Variants in LZTFL1 observed in about 807,000 individuals in gnomAD.
LZTFL1 encodes the protein leucine zipper transcription factor like 1, also known as leucine zipper transcription factor-like protein 1.
Under a neutral mutation model 45.9 loss-of-function variants are expected in LZTFL1, and 25 were observed. That is an observed-to-expected ratio of 0.54 (90% CI 0.40 to 0.76). LZTFL1 has a LOEUF of 0.76. Ranked by LOEUF, LZTFL1 falls within the 30% of genes least tolerant of loss-of-function variation. The probability of loss-of-function intolerance (pLI) is 0.00; values close to 1 mark genes in which losing one functional copy is unlikely to be tolerated. For synonymous variants in LZTFL1, 93 were observed against 117.4 expected (o/e 0.79, Z 1.35); for missense variants, 277 against 331.1 (o/e 0.84, Z 1.27).
rs1316071749 is a variant in LZTFL1 at position 45,823,932 on chromosome 3, T to C, written c.*2382A>G. 1.3e-5 allele frequency: 2 copies of C among 152,230 alleles called. No homozygotes were observed. The highest frequency in any genetic ancestry group is 2.9e-5 in the Non-Finnish European group (2 of 68,034). 9.4% of individuals were successfully genotyped at this position (152,230 alleles called of 1,614,324 possible). A position where few individuals can be genotyped will look rare whatever the true frequency, so the allele number is the denominator to read the frequency against. On this transcript the variant is annotated 3_prime_UTR_variant, in exon 10 of 10. Transcript: ENST00000296135. ...TAGCAAAGGCTTTATCAAATAAGAT[T>C]ACACAGTCAAGGTAGGGCAGTATTT...
At chr3:45,872,426 G>A (rs1184574307) in intron 2 of LZTFL1, among the ~76,000 whole-genome samples, 1 of 152,196 alleles carries the variant, frequency 6.6e-6, no homozygotes, top group Admixed American at 6.5e-5. Flanking sequence ...TCCACTCTTT[G>A]TGAATGTGGC....
Position 45,831,087 on chromosome 3 carries a change from T to C in LZTFL1, c.508A>G (p.Thr170Ala). ...TTCTCAGTTACCTGTATTTCAATGG[T>C]CTTCAACCTTGACTTCAATTTCTCA... The part of the protein sequence containing the change: ...ENEKLKSRLK[T>A]IEIQATNALD... The change falls in exon 6 of 10, where the codon ACC becomes GCC. Residue 170 changes from threonine to alanine, a missense_variant. Transcript: ENST00000296135. The C allele has an allele frequency of 6.2e-7, 1 of 1,606,770 alleles. No homozygotes were observed. The highest frequency in any genetic ancestry group is 1.1e-5 in the South Asian group (1 of 89,234).
chr3:45,890,304 C>T (rs1365925230), intron 2 of LZTFL1, among the ~76,000 whole-genome samples: 1 of 12,104 alleles, frequency 8.3e-5, no homozygotes, highest in African/African-American at 5.2e-4. Flanking sequence ...ATATATATAA[C>T]ATATATATAT....
chr3:45,891,542 AGG>A lies in LZTFL1; in HGVS notation c.-215+21576_-215+21577del, dbSNP rs1702179581. On this transcript the variant is annotated intron_variant, in intron 2 of 4. Coordinates refer to the LZTFL1 transcript ENST00000472635. The stretch of plus-strand genomic sequence containing the variant: ...GTTCTCTTTTGCCCCTAAATACTTC[AGG>A]GGATAATTCCTAAGAACAGGGGCAT... Among the ~76,000 whole-genome samples the A allele has an allele frequency of 2.0e-5, 3 of 152,284 alleles. No individual in the cohort carries two copies. The East Asian group carries it at 5.8e-4, about 29-fold the overall frequency.
chr3:45,904,736 G>T (rs1702645103), intron 2 of LZTFL1, among the ~76,000 whole-genome samples: 1 of 152,210 alleles, frequency 6.6e-6, no homozygotes, highest in African/African-American at 2.4e-5. Context: ...TGACACCTTT[G>T]GAGACCACCA....
At chr3:45,827,772 T>C (rs548539040) in intron 8 of LZTFL1, among the ~76,000 whole-genome samples, 2 of 152,330 alleles carry the variant, frequency 1.3e-5, no homozygotes, top group East Asian at 1.9e-4. Flanking sequence ...CACACTTTTT[T>C]CCCAAGTCCC....
rs1237727908 is a variant in LZTFL1, at chr3:45,890,337, C to CATAT, written c.-215+22779_-215+22782dup. 2.4e-4 allele frequency among the ~76,000 whole-genome samples: 15 copies of CATAT among 63,146 alleles called. 1 individual carries two copies. The highest frequency in any genetic ancestry group is 1.8e-3 in the African/African-American group (14 of 7,970). 41.4% of individuals were successfully genotyped at this position (63,146 alleles called of 152,430 possible). ...TATATTTATATAAATATATATATAA[C>CATAT]ATATATATATAACATATATATATAT... On this transcript the variant is annotated intron_variant, in intron 2 of 4. Coordinates refer to the LZTFL1 transcript ENST00000472635.
At chr3:45,902,034 T>A in intron 2 of LZTFL1, 1 of 763,278 alleles carries the variant, frequency 1.3e-6, no homozygotes, top group Non-Finnish European at 2.1e-6. Context: ...TATGATTACT[T>A]GTAGTCAGAA....
intron 1 of LZTFL1, among the ~76,000 whole-genome samples, chr3:45,839,465 TA>T (rs1227010377): frequency 6.6e-6 from 1 of 152,208 alleles, no homozygotes; most frequent in Non-Finnish European, 1.5e-5. Context: ...CAAACTCTCT[TA>T]CCCTGTTTCC....
intron 2 of LZTFL1, chr3:45,897,443 C>G: frequency 1.4e-6 from 1 of 718,910 alleles, no homozygotes; most frequent in Non-Finnish European, 2.5e-6. Flanking sequence ...GACACAATGT[C>G]CTTGTCTGGG....
chr3:45,907,253 G>C (rs2125770066), intron 2 of LZTFL1, among the ~76,000 whole-genome samples: 1 of 152,306 alleles, frequency 6.6e-6, no homozygotes, highest in Middle Eastern at 3.4e-3. Context: ...CCCCTGCCCA[G>C]GGACTGGCAT....
intron 2 of LZTFL1, among the ~76,000 whole-genome samples, chr3:45,889,906 C>A (rs777621637): frequency 6.6e-6 from 1 of 151,310 alleles, no homozygotes; most frequent in East Asian, 1.9e-4. Flanking sequence ...ATACCTGGAC[C>A]CTTGTGTTCT....
chr3:45,861,751 C>T (rs2125709506), intron 2 of LZTFL1, among the ~76,000 whole-genome samples: 1 of 152,278 alleles, frequency 6.6e-6, no homozygotes, highest in Middle Eastern at 3.4e-3. Flanking sequence ...GATATGAATT[C>T]TACCACTTTC....
intron 2 of LZTFL1, among the ~76,000 whole-genome samples, chr3:45,904,387 G>A (rs187373788): frequency 6.6e-6 from 1 of 152,344 alleles, no homozygotes; most frequent in East Asian, 1.9e-4. Flanking sequence ...TGGTGGTCAA[G>A]GAAGGAACTG....
intron 2 of LZTFL1, 51 bp from the exon 3 acceptor site, chr3:45,835,835 T>TA (rs1204962624): frequency 1.5e-6 from 2 of 1,359,904 alleles, no homozygotes; most frequent in African/African-American, 2.9e-5. Context: ...AAGAAAAATC[T>TA]ACAAAATACA....
intron 2 of LZTFL1, among the ~76,000 whole-genome samples, chr3:45,875,727 T>C (rs961984837): frequency 2.0e-5 from 3 of 152,190 alleles, no homozygotes; most frequent in Non-Finnish European, 4.4e-5. Context: ...ACATAGTGGT[T>C]GTGAAGATCA....
At chr3:45,853,802 A>T (rs1046353835) in intron 4 of LZTFL1, among the ~76,000 whole-genome samples, 1 of 152,238 alleles carries the variant, frequency 6.6e-6, no homozygotes, top group Non-Finnish European at 1.5e-5. Flanking sequence ...TAATCCATAA[A>T]CAATGCTAAA....
chr3:45,851,262 T>C (rs933001627), intron 4 of LZTFL1, among the ~76,000 whole-genome samples: 6 of 150,728 alleles, frequency 4.0e-5, no homozygotes, highest in Middle Eastern at 3.4e-3. Context: ...AGTCTAGTTT[T>C]GTCACCCAGG....
chr3:45,846,447 A>G (rs1292297831), upstream of LZTFL1, among the ~76,000 whole-genome samples: 1 of 152,176 alleles, frequency 6.6e-6, no homozygotes, highest in East Asian at 1.9e-4. Flanking sequence ...AACACAAGGG[A>G]TAATGGTGCT....
Sources: gnomAD v4.1 joint callset for allele counts (sites outside exome capture counted in the v4.1 genomes callset) on GRCh38, gnomAD v4.1.1 for gene constraint, MANE v1.5 for transcripts, NCBI Gene and HGNC (gene_info 2026-07-23, HGNC 2026-07-21) for gene names.